NTMT2: variants seen among roughly 807,000 people sequenced by gnomAD.
The protein encoded by NTMT2 is N-terminal Xaa-Pro-Lys N-methyltransferase 2.
NTMT2 carries 21 observed loss-of-function variants against 23.4 expected under a neutral mutation model. That is an observed-to-expected ratio of 0.90 (90% CI 0.64 to 1.29). NTMT2 has a LOEUF of 1.29. NTMT2 is among the 50% of genes most tolerant of loss of function. The pLI is 0.00. For missense variants in NTMT2, 336 were observed against 352.0 expected, an observed-to-expected ratio of 0.95 and a Z score of 0.36; for synonymous variants, 131 against 127.7, an observed-to-expected ratio of 1.03 and a Z score of -0.17.
rs1673387193 is a variant in NTMT2 at position 170,166,420 on chromosome 1, C to G, written c.331-82C>G. ...CCTCCCAAAGTGCTGGGATTACAAG[C>G]GTGAGCCACCGCGCCCGGCCTGGGT... On this transcript the variant is annotated intron_variant, in intron 2 of 3. Transcript: ENST00000439373. The G allele has an allele frequency of 1.0e-5, 15 of 1,465,294 alleles. No individual in the cohort carries two copies. The East Asian group carries it at 3.7e-4, about 36-fold the overall frequency. 90.8% of individuals were successfully genotyped at this position (1,465,294 alleles called of 1,614,324 possible).
chr1:170,147,422 A>G (rs1253693130), intron 1 of NTMT2, among the ~76,000 whole-genome samples: 1 of 152,134 alleles, frequency 6.6e-6, no homozygotes, highest in African/African-American at 2.4e-5. Context: ...AGATGATGAT[A>G]TTTAATCTAG....
intron 1 of NTMT2, among the ~76,000 whole-genome samples, chr1:170,153,903 A>G (rs1429915932): frequency 6.6e-6 from 1 of 151,794 alleles, no homozygotes; most frequent in Non-Finnish European, 1.5e-5. Context: ...GATGATGGGG[A>G]AAAGGTCTGG....
intron 1 of NTMT2, chr1:170,158,098 G>A (rs1673200226): frequency 6.6e-6 from 1 of 152,030 alleles, no homozygotes; most frequent in Admixed American, 6.6e-5. Flanking sequence ...AGAAACTTCT[G>A]AAGAATGAAT....
intron 1 of NTMT2, among the ~76,000 whole-genome samples, chr1:170,149,845 T>C (rs1393109770): frequency 6.6e-5 from 10 of 152,216 alleles, no homozygotes; most frequent in Admixed American, 2.6e-4. Context: ...TAGCTTTCTC[T>C]AGAACAGGCA....
chr1:170,156,224 A>G (rs1369025239), intron 1 of NTMT2, among the ~76,000 whole-genome samples: 3 of 151,990 alleles, frequency 2.0e-5, no homozygotes, highest in African/African-American at 7.2e-5. Context: ...TTTTTGTACT[A>G]TTCTTTGGAC....
chr1:170,162,751 C>T (rs1045065756), intron 2 of NTMT2, among the ~76,000 whole-genome samples: 1 of 152,198 alleles, frequency 6.6e-6, no homozygotes, highest in African/African-American at 2.4e-5. Flanking sequence ...TGGTAAGAGA[C>T]AGAACAGTGA....
rs1673437048 is a variant in NTMT2, at chr1:170,168,220, A to G, written c.*463A>G. 6.7e-6 allele frequency among the ~76,000 whole-genome samples: 1 copy of G among 148,292 alleles called. No homozygotes were observed. Among genetic ancestry groups the G allele is most frequent in the African/African-American group, 2.5e-5 (1 of 39,626 alleles). The stretch of plus-strand genomic sequence containing the variant: ...ATTTAGCTTTGGGGGTTGTTCAGAT[A>G]AAGCATTTGTCTACTCAAACAAAAA... On this transcript the variant is annotated 3_prime_UTR_variant, in exon 4 of 4. Coordinates refer to ENST00000439373, the MANE Select transcript of NTMT2 (RefSeq NM_001136107.2).
At chr1:170,146,367 C>CA (rs1010072103) in intron 1 of NTMT2, 106 bp downstream of exon 1, 168 of 1,059,584 alleles carry the variant, frequency 1.6e-4, no homozygotes, top group African/African-American at 2.3e-4. Context: ...ACTTTTCAGA[C>CA]AAAAAAAACT....
At chr1:170,166,146 T>TTC (rs1673378792) in intron 2 of NTMT2, among the ~76,000 whole-genome samples, 1 of 137,150 alleles carries the variant, frequency 7.3e-6, no homozygotes, top group Non-Finnish European at 1.6e-5. Context: ...TTTTCTTTTT[T>TTC]TTTTTTTTTT....
At chr1:170,157,518 G>T (rs1025264903) in intron 1 of NTMT2, among the ~76,000 whole-genome samples, 4 of 152,078 alleles carry the variant, frequency 2.6e-5, no homozygotes, top group Non-Finnish European at 4.4e-5. Context: ...GGAAAATGCT[G>T]ATGTAACTCC....
At chr1:170,161,609 A>T (rs964891560) in intron 2 of NTMT2, 1 of 152,244 alleles carries the variant, frequency 6.6e-6, no homozygotes, top group African/African-American at 2.4e-5. Context: ...TGACTAGGGC[A>T]TGACAATAGA....
chr1:170,166,642 C>A lies in NTMT2; in HGVS notation c.471C>A (p.Asn157Lys), dbSNP rs867548854. 2 of 1,552,058 alleles carry A rather than the reference C, an allele frequency of 1.3e-6. No individual in the cohort carries two copies. Among genetic ancestry groups the A allele is most frequent in the African/African-American group, 2.7e-5 (2 of 73,030 alleles). The change falls in exon 3 of 4, where the codon AAC becomes AAA. Residue 157 changes from asparagine to lysine, a missense_variant. By Grantham distance (94) the Asn-to-Lys change is moderately conservative. Transcript: ENST00000439373. ...AATCCTTTCTCCTTGAAGCCCAGAA[C>A]TACCTGCAGGTCAAAGGTGACAAAG... is the stretch of plus-strand genomic sequence containing the variant. The part of the protein sequence containing the change: ...MMESFLLEAQ[N>K]YLQVKGDKVE...
At chr1:170,159,431 T>C (rs935123856) in intron 1 of NTMT2, among the ~76,000 whole-genome samples, 4 of 149,882 alleles carry the variant, frequency 2.7e-5, no homozygotes, top group Non-Finnish European at 4.4e-5. Context: ...GTTTTTTTTT[T>C]TTTTTTTTTT....
chr1:170,160,618 T>C lies in NTMT2; in HGVS notation c.255T>C (p.Gly85=). ...AAGAAGTACCAGCCACAGAAGAGGG[T>C]ATGATGGGAAATTTCATTGAACTGT... The part of the protein sequence containing the change: ...FYQEVPATEE[G]MMGNFIELSS... The change falls in exon 2 of 4, where the codon GGT becomes GGC. Residue 85 remains glycine (G), a synonymous_variant. Transcript: ENST00000439373. 6.4e-7 allele frequency: 1 copy of C among 1,551,548 alleles called. No individual in the cohort carries two copies.
At chr1:170,167,180 G>A (rs1673411757) in intron 3 of NTMT2, among the ~76,000 whole-genome samples, 1 of 152,148 alleles carries the variant, frequency 6.6e-6, no homozygotes, top group Admixed American at 6.5e-5. Context: ...ACAAAGAAGT[G>A]GTAATAGAGG....
intron 1 of NTMT2, among the ~76,000 whole-genome samples, chr1:170,159,732 ACTGT>A (rs1414613265): frequency 6.6e-6 from 1 of 152,048 alleles, no homozygotes; most frequent in African/African-American, 2.4e-5. Flanking sequence ...CCTTTAATCT[ACTGT>A]CTATCATTTT....
chr1:170,160,606 C>T lies in NTMT2; in HGVS notation c.243C>T (p.Ala81=). ...RAKLFYQEVP[A]TEEGMMGNFI... is the part of the protein sequence containing the mutation. ...AACTTTTCTACCAAGAAGTACCAGCCACAGAAGAGGGTATGATGGGAAATT... is the reference window on the plus strand; with the variant it reads ...AACTTTTCTACCAAGAAGTACCAGCTACAGAAGAGGGTATGATGGGAAATT... The change falls in exon 2 of 4, where the codon GCC becomes GCT. Residue 81 remains alanine (A), a synonymous_variant. Coordinates refer to ENST00000439373, the MANE Select transcript of NTMT2 (RefSeq NM_001136107.2). The T allele has an allele frequency of 6.4e-7, 1 of 1,551,650 alleles. No individual in the cohort carries two copies. The highest frequency in any genetic ancestry group is 8.7e-7 in the Non-Finnish European group (1 of 1,146,948).
chr1:170,146,124 C>G lies in NTMT2; in HGVS notation c.17C>G (p.Ala6Gly). 1 of 1,551,108 alleles carries G rather than the reference C, an allele frequency of 6.4e-7. No homozygotes were observed. The highest frequency in any genetic ancestry group is 2.4e-5 in the East Asian group (1 of 40,848). MAHRG[A>G]HFAFRSRWQK... Reference sequence around the variant, plus strand: ...CCCTTTGTCATGGCCCACCGGGGAGCCCATTTTGCCTTTAGATCCCGCTGG... The same window carrying G: ...CCCTTTGTCATGGCCCACCGGGGAGGCCATTTTGCCTTTAGATCCCGCTGG... The change falls in exon 1 of 4, where the codon GCC becomes GGC. Residue 6 changes from alanine (A) to glycine (G), a missense_variant. Ala to Gly is a moderately conservative substitution (Grantham distance 60). Coordinates refer to ENST00000439373, the MANE Select transcript of NTMT2 (RefSeq NM_001136107.2).
intron 2 of NTMT2, chr1:170,161,561 T>C (rs1557908470): frequency 6.6e-6 from 1 of 152,178 alleles, no homozygotes; most frequent in Non-Finnish European, 1.5e-5. Flanking sequence ...ACTTTGAGCT[T>C]GTTACTTAAA....
Sources: allele counts gnomAD v4.1 joint callset (sites outside exome capture counted in the v4.1 genomes callset), GRCh38; gene constraint gnomAD v4.1.1; transcripts MANE v1.5; gene names NCBI Gene and HGNC (gene_info 2026-07-23, HGNC 2026-07-21).